SYNE2: variants seen among roughly 807,000 people sequenced by gnomAD.
SYNE2 encodes nesprin-2.
A neutral mutation model predicts 856.3 loss-of-function variants in SYNE2; 431 were observed. The observed-to-expected ratio is 0.50, with a 90% CI of 0.47 to 0.55. The LOEUF is 0.55. SYNE2 is among the 20% of genes least tolerant of loss of function. SYNE2 has a pLI of 0.00. For missense variants in SYNE2, 8,129 were observed against 8,023.2 expected, an observed-to-expected ratio of 1.01 and a Z score of -0.50; for synonymous variants, 2,923 against 2,872.3, an observed-to-expected ratio of 1.02 and a Z score of -0.56.
rs1468773942 is a variant in SYNE2, at chr14:64,225,496, G to A, written c.20694G>A (p.Leu6898=). ...TTGCCCGGTCCTTTTACCCCATGCT[G>A]AGGTACACCAATGGGCCACCCCCCA... ...NNFARSFYPM[L]RYTNGPPPT Residue 6898 remains leucine, a synonymous_variant, in exon 116 of 116, where the codon CTG becomes CTA. Transcript: ENST00000555002. The A allele has an allele frequency of 1.2e-6, 2 of 1,614,100 alleles. No individual in the cohort carries two copies. The highest frequency in any genetic ancestry group is 1.1e-5 in the South Asian group (1 of 91,084).
At chr14:63,902,407 CAAAAAAA>C (rs10533353) in intron 1 of SYNE2, among the ~76,000 whole-genome samples, 1 of 74,642 alleles carries the variant, frequency 1.3e-5, no homozygotes, top group South Asian at 4.8e-4. Context: ...CGAGACTCCT[CAAAAAAA>C]AAAAAAAAAA....
chr14:63,980,802 T>C lies in SYNE2; in HGVS notation c.1648+70T>C, dbSNP rs1394188528. 4 of 1,245,150 alleles carry C rather than the reference T, an allele frequency of 3.2e-6. No homozygotes were observed. The Admixed American group carries it at 7.5e-5, about 23-fold the overall frequency. 77.1% of individuals were successfully genotyped at this position (1,245,150 alleles called of 1,614,324 possible). A position where few individuals can be genotyped will look rare whatever the true frequency, so the allele number is the denominator to read the frequency against. On this transcript the variant is annotated intron_variant, in intron 15 of 115. Coordinates refer to ENST00000555002, the MANE Select transcript of SYNE2 (RefSeq NM_182914.3). ...CAGTGATGTTTTATCTGTTGTGCTTTCTATATAATGTTTTAGAAATTAGTT... is the reference window on the plus strand; with the variant it reads ...CAGTGATGTTTTATCTGTTGTGCTTCCTATATAATGTTTTAGAAATTAGTT...
intron 18 of SYNE2, among the ~76,000 whole-genome samples, chr14:63,984,528 T>C (rs1260875296): frequency 2.0e-5 from 3 of 152,208 alleles, no homozygotes; most frequent in Non-Finnish European, 4.4e-5. Flanking sequence ...TGTGTCTTGC[T>C]TCCTTTCTGT....
At chr14:63,806,033 A>G (rs1888348638) in intron 1 of SYNE2, among the ~76,000 whole-genome samples, 1 of 152,078 alleles carries the variant, frequency 6.6e-6, no homozygotes, top group Non-Finnish European at 1.5e-5. Context: ...TAGGATGATG[A>G]GAGTGGGCAT....
Position 64,052,735 on chromosome 14 carries a change from A to C in SYNE2, c.8822A>C (p.Lys2941Thr), listed in dbSNP as rs2097236699. Residue 2941 changes from lysine (K) to threonine (T), a missense_variant, in exon 48 of 116, where the codon AAG becomes ACG. By Grantham distance (78) the Lys-to-Thr change is moderately conservative. Around this residue, in one of 3 missense-constraint regions of SYNE2, gnomAD observed 5,410 missense variants for 5,284.8 expected, o/e 1.02. Coordinates refer to ENST00000555002, the MANE Select transcript of SYNE2 (RefSeq NM_182914.3). ...AATACATGTAATGAAGTGGAACACAAGATAAAGTTTTGCAGACAATTCCAT... is the reference window on the plus strand; with the variant it reads ...AATACATGTAATGAAGTGGAACACACGATAAAGTTTTGCAGACAATTCCAT... ...IQNTCNEVEHKIKFCRQFHEK... is the reference protein window; with the variant it reads ...IQNTCNEVEHTIKFCRQFHEK... The C allele has an allele frequency of 6.2e-7, 1 of 1,613,524 alleles. No homozygotes were observed. The highest frequency in any genetic ancestry group is 8.5e-7 in the Non-Finnish European group (1 of 1,179,678).
At chr14:63,800,170 T>C (rs1243667971) in intron 1 of SYNE2, among the ~76,000 whole-genome samples, 1 of 152,194 alleles carries the variant, frequency 6.6e-6, no homozygotes, top group African/African-American at 2.4e-5. Context: ...AGCTTTCTTC[T>C]GAGGATGAAA....
chr14:64,173,772 A>G, intron 94 of SYNE2: 1 of 518,744 alleles, frequency 1.9e-6, no homozygotes, highest in East Asian at 3.2e-5. Flanking sequence ...CCAGGAAAAC[A>G]TATTTAGAAC....
chr14:63,777,408 G>A (rs189280492), intron 1 of SYNE2, among the ~76,000 whole-genome samples: 1 of 152,236 alleles, frequency 6.6e-6, no homozygotes, highest in African/African-American at 2.4e-5. Context: ...AGTGCCTCAT[G>A]TCTGTAATCC....
intron 84 of SYNE2, among the ~76,000 whole-genome samples, chr14:64,152,001 G>T (rs61987289): frequency 6.6e-6 from 1 of 152,136 alleles, no homozygotes; most frequent in African/African-American, 2.4e-5. Context: ...GAGGGATCCT[G>T]TAGGTTTTTA....
At chr14:63,931,669 A>G (rs1397289268) in intron 2 of SYNE2, among the ~76,000 whole-genome samples, 1 of 152,166 alleles carries the variant, frequency 6.6e-6, no homozygotes, top group Non-Finnish European at 1.5e-5. Context: ...TAATACCTTT[A>G]GTATTTCGTA....
rs758976240 is a variant in SYNE2, at chr14:64,129,818, G to A, written c.14056G>A (p.Glu4686Lys). The change falls in exon 75 of 116, where the codon GAG becomes AAG. Residue 4686 changes from glutamate (E) to lysine (K), a missense_variant. Coordinates refer to ENST00000555002, the MANE Select transcript of SYNE2 (RefSeq NM_182914.3). The part of the protein sequence containing the change: ...DAYTVELENA[E>K]SRVAKLRDEG... ...ATATACAGTGGAGCTGGAGAACGCC[G>A]AGAGCCGAGTGGCCAAACTAAGAGA... The A allele has an allele frequency of 9.9e-6, 16 of 1,614,024 alleles. No homozygotes were observed. Among genetic ancestry groups the A allele is most frequent in the African/African-American group, 5.3e-5 (4 of 74,910 alleles).
At chr14:64,044,035 C>A (rs1201861923) in intron 45 of SYNE2, among the ~76,000 whole-genome samples, 4 of 152,196 alleles carry the variant, frequency 2.6e-5, no homozygotes, top group Admixed American at 1.3e-4. Flanking sequence ...TGCCACTGTC[C>A]TCCAGACCCC....
At chr14:64,166,973 G>T in intron 90 of SYNE2, 1 of 522,994 alleles carries the variant, frequency 1.9e-6, no homozygotes, top group Non-Finnish European at 3.4e-6. Flanking sequence ...TGTATTCTTC[G>T]GTGACAAAAT....
rs2098427287 is a variant in SYNE2 at position 64,175,063 on chromosome 14, T to G, written c.17355T>G (p.Ser5785Arg). 9 of 1,614,134 alleles carry G rather than the reference T, an allele frequency of 5.6e-6. No homozygotes were observed. Among genetic ancestry groups the G allele is most frequent in the Non-Finnish European group, 7.6e-6 (9 of 1,180,028 alleles). Residue 5785 changes from serine (S) to arginine (R), a missense_variant, in exon 95 of 116, where the codon AGT (serine) becomes AGG (arginine). By Grantham distance (110) the Ser-to-Arg change is moderately radical. This residue lies in a region of SYNE2 where 5,410 missense variants were observed against 5,284.8 expected (regional missense o/e 1.02). Coordinates refer to ENST00000555002, the MANE Select transcript of SYNE2 (RefSeq NM_182914.3). ...KTKESVGRRISQLQDSWKDME... is the reference protein window; with the variant it reads ...KTKESVGRRIRQLQDSWKDME... ...AAGAGTCTGTGGGTAGGAGAATCAG[T>G]CAACTTCAGGACAGCTGGAAAGACA...
At chr14:63,860,690 C>T (rs1893318916) in intron 1 of SYNE2, among the ~76,000 whole-genome samples, 1 of 152,224 alleles carries the variant, frequency 6.6e-6, no homozygotes, top group Non-Finnish European at 1.5e-5. Flanking sequence ...CAGTGAGTAG[C>T]TCTTCTCTAT....
chr14:63,839,231 G>A (rs926127625), intron 1 of SYNE2, among the ~76,000 whole-genome samples: 5 of 151,926 alleles, frequency 3.3e-5, no homozygotes, highest in African/African-American at 4.8e-5. Context: ...GGGTTTCACC[G>A]TGTTAGCCAG....
rs1474016000 is a variant in SYNE2, at chr14:64,133,945, C to A, written c.14515-124C>A. The A allele has an allele frequency of 1.3e-5, 15 of 1,191,368 alleles. No individual in the cohort carries two copies. The Middle Eastern group carries it at 8.2e-4, about 65-fold the overall frequency. 73.8% of individuals were successfully genotyped at this position (1,191,368 alleles called of 1,614,324 possible). A position where few individuals can be genotyped will look rare whatever the true frequency, so the allele number is the denominator to read the frequency against. ...GTGGGGTTACGTCTCTCGAACACAC[C>A]TGGAATCTGTGCTTTAATTTTGTAT... On this transcript the variant is annotated intron_variant, in intron 77 of 115. Transcript: ENST00000555002.
chr14:64,201,686 G>A (rs2098567568), intron 99 of SYNE2, among the ~76,000 whole-genome samples: 1 of 152,192 alleles, frequency 6.6e-6, no homozygotes, highest in African/African-American at 2.4e-5. Flanking sequence ...CTGAGAGGAG[G>A]TTGTTCGGTC....
chr14:63,935,030 T>G (rs543851600), intron 2 of SYNE2, among the ~76,000 whole-genome samples: 14 of 152,220 alleles, frequency 9.2e-5, no homozygotes, highest in African/African-American at 2.9e-4. Flanking sequence ...TTTTTTTTTT[T>G]GGGAAGTGGC....
Sources: gnomAD v4.1 joint callset for allele counts (sites outside exome capture counted in the v4.1 genomes callset) on GRCh38, gnomAD v4.1.1 for gene constraint, gnomAD v4.1.1 regional missense constraint, MANE v1.5 for transcripts, NCBI Gene and HGNC (gene_info 2026-07-23, HGNC 2026-07-21) for gene names.